IL1RAPL2: variants seen among roughly 807,000 people sequenced by gnomAD.
IL1RAPL2 encodes the protein X-linked interleukin-1 receptor accessory protein-like 2.
Under a neutral mutation model 44.1 loss-of-function variants are expected in IL1RAPL2, and 3 were observed. The ratio of observed to expected loss-of-function variants is 0.07; its 90% CI spans 0.03 to 0.18. The LOEUF (loss-of-function observed/expected upper bound fraction) is 0.18. Ranked by LOEUF, IL1RAPL2 falls within the 10% of genes least tolerant of loss-of-function variation. The pLI is 1.00. For missense variants in IL1RAPL2, 391 were observed against 496.4 expected, an observed-to-expected ratio of 0.79 and a Z score of 2.02; for synonymous variants, 181 against 178.8, an observed-to-expected ratio of 1.01 and a Z score of -0.10.
intron 1 of IL1RAPL2, among the ~76,000 whole-genome samples, chrX:104,603,427 G>C (rs767306243): frequency 3.6e-5 from 4 of 111,797 alleles, no homozygotes; most frequent in Non-Finnish European, 5.6e-5. Context: ...TCACCAGCAA[G>C]AGAACAAAAC....
At position 105,267,511 on chromosome X, in the gene IL1RAPL2, G is replaced by T; in HGVS notation, c.667G>T (p.Val223Leu). ...TCELKYEGKL[V>L]RRTTELKVTA... The stretch of plus-strand genomic sequence containing the variant: ...TGAACTTAAATATGAAGGAAAACTT[G>T]TAAGACGAACAACTGAATTGAAAGT... Residue 223 changes from valine to leucine, a missense_variant, in exon 5 of 11, where the codon GTA becomes TTA. Val to Leu is a conservative substitution (Grantham distance 32). This residue lies in a region of IL1RAPL2 where 159 missense variants were observed against 251.7 expected (regional missense o/e 0.63). Transcript: ENST00000372582. The T allele has an allele frequency of 8.4e-7, 1 of 1,192,121 alleles. No individual in the cohort carries two copies. Among genetic ancestry groups the T allele is most frequent in the South Asian group, 1.9e-5 (1 of 53,396 alleles).
At chrX:105,026,106 C>A (rs1179661630) in intron 2 of IL1RAPL2, among the ~76,000 whole-genome samples, 2 of 110,702 alleles carry the variant, frequency 1.8e-5, no homozygotes, top group East Asian at 5.7e-4. Context: ...CACTGGAATA[C>A]AACCATGAGA....
At chrX:105,708,047 C>T (rs1165464699) in intron 6 of IL1RAPL2, among the ~76,000 whole-genome samples, 1 of 111,213 alleles carries the variant, frequency 9.0e-6, no homozygotes, top group Non-Finnish European at 1.9e-5. Context: ...TCTAAAAGAA[C>T]CCTTATAATA....
intron 2 of IL1RAPL2, among the ~76,000 whole-genome samples, chrX:104,911,526 ATCT>A (rs1030796094): frequency 6.3e-5 from 7 of 111,469 alleles, no homozygotes; most frequent in African/African-American, 2.3e-4. Context: ...AATCTGTTCA[ATCT>A]TCTTTGTCTT....
intron 7 of IL1RAPL2, among the ~76,000 whole-genome samples, chrX:105,724,343 T>C (rs2038332546): frequency 9.0e-6 from 1 of 111,086 alleles, no homozygotes; most frequent in Non-Finnish European, 1.9e-5. Flanking sequence ...TCAAATCCTG[T>C]CTAACATTTT....
intron 6 of IL1RAPL2, among the ~76,000 whole-genome samples, chrX:105,604,879 A>C (rs1254400366): frequency 9.0e-6 from 1 of 111,529 alleles, no homozygotes; most frequent in Non-Finnish European, 1.9e-5. Context: ...GAAGAACAAA[A>C]ACCATATGAT....
intron 2 of IL1RAPL2, among the ~76,000 whole-genome samples, chrX:104,856,914 A>G (rs1922380303): frequency 8.9e-6 from 1 of 112,613 alleles, no homozygotes. Flanking sequence ...GAGATTTCCT[A>G]ATAAATCTGC....
intron 1 of IL1RAPL2, among the ~76,000 whole-genome samples, chrX:104,624,849 A>G (rs2089474671): frequency 1.8e-5 from 2 of 111,729 alleles, no homozygotes; most frequent in Admixed American, 1.9e-4. Context: ...ACTAGAAAGT[A>G]TGAGGTAGAT....
chrX:105,149,228 G>A (rs2033204383), intron 2 of IL1RAPL2, among the ~76,000 whole-genome samples: 2 of 111,780 alleles, frequency 1.8e-5, no homozygotes, highest in South Asian at 7.6e-4. Flanking sequence ...ATATCTATAT[G>A]TATGATCCCC....
At chrX:105,665,216 T>C (rs2037750200) in intron 6 of IL1RAPL2, among the ~76,000 whole-genome samples, 1 of 111,462 alleles carries the variant, frequency 9.0e-6, no homozygotes, top group African/African-American at 3.3e-5. Context: ...CCAACTGTAG[T>C]TGATAATCAG....
At chrX:104,911,076 C>T (rs1443534056) in intron 2 of IL1RAPL2, among the ~76,000 whole-genome samples, 2 of 111,644 alleles carry the variant, frequency 1.8e-5, no homozygotes, top group African/African-American at 3.2e-5. Flanking sequence ...AATTGATCAA[C>T]ATTATCTCAA....
intron 2 of IL1RAPL2, among the ~76,000 whole-genome samples, chrX:104,877,921 T>A (rs1193395835): frequency 3.6e-5 from 4 of 111,966 alleles, no homozygotes; most frequent in Non-Finnish European, 7.5e-5. Flanking sequence ...TGGGAAAGAT[T>A]TAGTAAAAAT....
chrX:105,502,360 C>G (rs779409029), intron 6 of IL1RAPL2, among the ~76,000 whole-genome samples: 8 of 111,136 alleles, frequency 7.2e-5, no homozygotes, highest in Admixed American at 9.6e-5. Context: ...TTATGGCTAC[C>G]CTCTTCTGGA....
chrX:105,487,776 CGT>C (rs1463188154), intron 6 of IL1RAPL2, among the ~76,000 whole-genome samples: 1 of 111,823 alleles, frequency 8.9e-6, no homozygotes, highest in Non-Finnish European at 1.9e-5. Flanking sequence ...AGAGCTCCTC[CGT>C]GTGAGTGGGA....
chrX:105,413,187 T>C (rs2035709303), intron 5 of IL1RAPL2, among the ~76,000 whole-genome samples: 1 of 112,098 alleles, frequency 8.9e-6, no homozygotes, highest in Non-Finnish European at 1.9e-5. Context: ...TTTAAAACAT[T>C]GTGCTAATGT....
intron 2 of IL1RAPL2, among the ~76,000 whole-genome samples, chrX:104,922,298 T>G (rs183992234): frequency 1.2e-3 from 131 of 113,354 alleles, no homozygotes; most frequent in African/African-American, 3.9e-3. Context: ...GCAAACTGCA[T>G]GACCCATCAC....
At chrX:104,858,274 A>G (rs1458447162) in intron 2 of IL1RAPL2, among the ~76,000 whole-genome samples, 2 of 111,773 alleles carry the variant, frequency 1.8e-5, no homozygotes, top group Non-Finnish European at 3.8e-5. Flanking sequence ...ATGACTGCTC[A>G]GAGGAAGTTT....
chrX:104,582,553 TTCC>T lies in IL1RAPL2; in HGVS notation c.-20+15507_-20+15509del, dbSNP rs1266200684. 1.7e-4 allele frequency among the ~76,000 whole-genome samples: 18 copies of T among 102,967 alleles called. 1 individual carries two copies. The South Asian group carries it at 7.3e-3, about 42-fold the overall frequency. 89.4% of individuals were successfully genotyped at this position (102,967 alleles called of 115,157 possible). The stretch of plus-strand genomic sequence containing the variant: ...TTCCTTCTTTCCTTCCTTCCTCCCC[TTCC>T]TCCTTTCTCCTCTTTCTTTCTTTTT... On this transcript the variant is annotated intron_variant, in intron 1 of 10. Transcript: ENST00000372582.
intron 5 of IL1RAPL2, among the ~76,000 whole-genome samples, chrX:105,423,017 C>T (rs1443259780): frequency 9.0e-6 from 1 of 110,684 alleles, no homozygotes; most frequent in African/African-American, 3.3e-5. Flanking sequence ...CTTTGTTGCA[C>T]ACAAAAAATT....
Sources: allele counts gnomAD v4.1 joint callset (sites outside exome capture counted in the v4.1 genomes callset), GRCh38; gene constraint gnomAD v4.1.1; regional missense constraint gnomAD v4.1.1; transcripts MANE v1.5; gene names NCBI Gene and HGNC (gene_info 2026-07-23, HGNC 2026-07-21).